Variants in CDC42BPA observed in about 807,000 individuals in gnomAD.
CDC42BPA encodes CDC42 binding protein kinase alpha, also known as serine/threonine-protein kinase MRCK alpha.
A neutral mutation model predicts 223.5 loss-of-function variants in CDC42BPA; 80 were observed. That is an observed-to-expected ratio of 0.36 (90% confidence interval 0.30 to 0.43). The LOEUF is 0.43. Ranked by LOEUF, CDC42BPA falls within the 20% of genes least tolerant of loss-of-function variation. The probability of loss-of-function intolerance (pLI) is 1.00; values close to 1 mark genes in which losing one functional copy is unlikely to be tolerated. For synonymous variants in CDC42BPA, 694 were observed against 718.6 expected (o/e 0.97, Z 0.55); for missense variants, 1,743 against 2,099.9 (o/e 0.83, Z 3.32).
At chr1:227,238,083 T>G (rs1166291212) in intron 2 of CDC42BPA, among the ~76,000 whole-genome samples, 1 of 144,226 alleles carries the variant, frequency 6.9e-6, no homozygotes, top group Non-Finnish European at 1.5e-5. Flanking sequence ...CGGAATACAG[T>G]GGCTCATGTC....
chr1:227,060,035 T>TTG (rs1553318057), intron 21 of CDC42BPA, among the ~76,000 whole-genome samples: 34 of 142,824 alleles, frequency 2.4e-4, no homozygotes, highest in Middle Eastern at 3.6e-3. Context: ...TTTTTGTTTT[T>TTG]TTTTTTTTTT....
At chr1:227,203,667 T>C (rs781670046) in intron 3 of CDC42BPA, among the ~76,000 whole-genome samples, 1 of 152,224 alleles carries the variant, frequency 6.6e-6, no homozygotes, top group Non-Finnish European at 1.5e-5. Flanking sequence ...ATCATATCAC[T>C]TCCTCGGATT....
chr1:227,031,204 G>C (rs1245863445), intron 28 of CDC42BPA, 94 bp downstream of exon 28: 2 of 889,506 alleles, frequency 2.2e-6, no homozygotes, highest in African/African-American at 3.3e-5. Context: ...ACAGTATGTT[G>C]GACACTGGGG....
chr1:227,172,340 A>C (rs183850577), intron 5 of CDC42BPA, among the ~76,000 whole-genome samples: 1 of 152,356 alleles, frequency 6.6e-6, no homozygotes, highest in Non-Finnish European at 1.5e-5. Flanking sequence ...ATGGGAATAA[A>C]AAACTAATGA....
chr1:227,180,210 C>A (rs892778080), intron 5 of CDC42BPA, among the ~76,000 whole-genome samples: 10 of 151,878 alleles, frequency 6.6e-5, no homozygotes, highest in African/African-American at 2.4e-4. Flanking sequence ...CGTCATAAAT[C>A]AATCAATCAA....
At position 227,119,835 on chromosome 1, in the gene CDC42BPA, G is replaced by A. The variant is rs375379778; in HGVS notation, c.1616C>T (p.Thr539Met). ...QIKAYEKQIK[T>M]LQQEREDLNK... is the part of the protein sequence containing the mutation. ...TAGATCTTCTCTTTCTTGTTGTAAC[G>A]TTTTGATTTGTTTTTCATAAGCCTT... The change falls in exon 12 of 37, where the codon ACG becomes ATG. Residue 539 changes from threonine (T) to methionine (M), a missense_variant. By Grantham distance (81) the Thr-to-Met change is moderately conservative (BLOSUM62 -1). Coordinates refer to ENST00000366766, the MANE Select transcript of CDC42BPA (RefSeq NM_001394014.1). The A allele has an allele frequency of 3.7e-5, 59 of 1,590,978 alleles. 1 individual carries two copies. The highest frequency in any genetic ancestry group is 3.3e-4 in the Middle Eastern group (2 of 6,006).
intron 5 of CDC42BPA, among the ~76,000 whole-genome samples, chr1:227,168,497 G>GTGTTTTTTGTTT (rs1302291274): frequency 1.2e-5 from 1 of 80,196 alleles, no homozygotes; most frequent in Non-Finnish European, 2.4e-5. Flanking sequence ...CTTCCCTGGT[G>GTGTTTTTTGTTT]TTTTTTTTTT....
chr1:227,264,935 T>G (rs1684727220), intron 1 of CDC42BPA: 19 of 1,138,824 alleles, frequency 1.7e-5, no homozygotes, highest in Admixed American at 6.8e-5. Context: ...CTCGGTATAT[T>G]CATGGATTAT....
intron 2 of CDC42BPA, among the ~76,000 whole-genome samples, chr1:227,216,529 G>A (rs1674886010): frequency 6.6e-6 from 1 of 152,164 alleles, no homozygotes; most frequent in Non-Finnish European, 1.5e-5. Flanking sequence ...TTATTGAATT[G>A]ATAAATGATG....
In CDC42BPA at chr1:227,027,264, G is replaced by A. The variant is rs1226957025; in HGVS notation, c.4433-1112C>T. On this transcript the variant is annotated intron_variant, in intron 30 of 36. Transcript: ENST00000366766. Reference sequence around the variant, plus strand: ...AAAAGTCTGGATGGGTAGAACTAGAGGTATTTTTCTTTTGTCCTGTTCACG... The same window carrying A: ...AAAAGTCTGGATGGGTAGAACTAGAAGTATTTTTCTTTTGTCCTGTTCACG... Among the ~76,000 whole-genome samples, 3 of 152,226 alleles carry A rather than the reference G, an allele frequency of 2.0e-5. No homozygotes were observed. The South Asian group carries it at 6.2e-4, about 32-fold the overall frequency.
chr1:227,288,991 G>A (rs1173952442), intron 1 of CDC42BPA, among the ~76,000 whole-genome samples: 1 of 149,648 alleles, frequency 6.7e-6, no homozygotes, highest in Non-Finnish European at 1.5e-5. Flanking sequence ...CAAAACTCTT[G>A]TTTCAAAAAT....
chr1:227,194,488 T>TG (rs1056241154), intron 4 of CDC42BPA, among the ~76,000 whole-genome samples: 1 of 152,210 alleles, frequency 6.6e-6, no homozygotes, highest in African/African-American at 2.4e-5. Flanking sequence ...TTCCCATTTC[T>TG]AATACTGTAA....
At chr1:227,052,022 A>C in intron 21 of CDC42BPA, 37 bp from the exon 22 acceptor site, 1 of 1,282,188 alleles carries the variant, frequency 7.8e-7, no homozygotes, top group African/African-American at 1.5e-5. Context: ...AAACCCAAAA[A>C]ATCACTTTTC....
chr1:227,232,853 G>A (rs1025628962), intron 2 of CDC42BPA, among the ~76,000 whole-genome samples: 3 of 152,200 alleles, frequency 2.0e-5, no homozygotes, highest in African/African-American at 4.8e-5. Context: ...TAGGCTACTC[G>A]TGTGTCAGGG....
At chr1:227,301,596 G>A (rs1691643106) in intron 1 of CDC42BPA, among the ~76,000 whole-genome samples, 1 of 152,120 alleles carries the variant, frequency 6.6e-6, no homozygotes, top group African/African-American at 2.4e-5. Flanking sequence ...TTGACCTCGT[G>A]ATCTGCCCAC....
At chr1:227,169,907 T>C (rs1572113099) in intron 5 of CDC42BPA, among the ~76,000 whole-genome samples, 1 of 152,242 alleles carries the variant, frequency 6.6e-6, no homozygotes, top group Admixed American at 6.5e-5. Flanking sequence ...CCATTATTAA[T>C]TTGAATTTTC....
intron 34 of CDC42BPA, among the ~76,000 whole-genome samples, chr1:227,005,526 A>G (rs963257484): frequency 1.1e-4 from 17 of 152,218 alleles, no homozygotes; most frequent in African/African-American, 3.9e-4. Flanking sequence ...TACTAAAATT[A>G]TATTCTTCTC....
intron 32 of CDC42BPA, among the ~76,000 whole-genome samples, chr1:227,022,599 C>T (rs1171314938): frequency 2.0e-5 from 3 of 152,092 alleles, no homozygotes; most frequent in Admixed American, 1.3e-4. Context: ...TAATAATGTT[C>T]GTTAAAAGTG....
Position 227,002,815 on chromosome 1 carries a change from C to T in CDC42BPA, c.4975+2179G>A, listed in dbSNP as rs188613646. Among the ~76,000 whole-genome samples, 28 of 152,284 alleles carry T rather than the reference C, an allele frequency of 1.8e-4. 1 individual carries two copies. In the East Asian group the frequency reaches 2.7e-3, roughly 15 times the overall value. On this transcript the variant is annotated intron_variant, in intron 35 of 36. Coordinates refer to ENST00000366766, the MANE Select transcript of CDC42BPA (RefSeq NM_001394014.1). ...TGAGCCAGGAAACTGATTCCCTAGT[C>T]ACAGCTGAGTCTTGAGGTGACTGTG...
Sources: allele counts gnomAD v4.1 joint callset (sites outside exome capture counted in the v4.1 genomes callset), GRCh38; gene constraint gnomAD v4.1.1; transcripts MANE v1.5; gene names NCBI Gene and HGNC (gene_info 2026-07-23, HGNC 2026-07-21).